Variants in ZNF765 observed in about 807,000 individuals in gnomAD.
ZNF765 encodes the protein zinc finger protein 765.
A neutral mutation model predicts 44.7 loss-of-function variants in ZNF765; 37 were observed. That is an observed-to-expected ratio of 0.83 (90% CI 0.64 to 1.09). ZNF765 has a LOEUF of 1.09. Ranked by LOEUF, ZNF765 falls within the 50% of genes least tolerant of loss-of-function variation. The pLI is 0.00. For missense variants in ZNF765, 594 were observed against 626.1 expected (o/e 0.95, Z 0.55); for synonymous variants, 201 against 213.7 (o/e 0.94, Z 0.52).
chr19:53,421,716 G>A (rs2085908789), intron 3 of ZNF765, among the ~76,000 whole-genome samples: 1 of 152,150 alleles, frequency 6.6e-6, no homozygotes, highest in Non-Finnish European at 1.5e-5. Context: ...GTTTCTCCAT[G>A]TTGGTCAGGC....
rs2085804733 is a variant in ZNF765, at chr19:53,408,806, C to T, written c.1251C>T (p.Gly417=). 1 of 1,613,886 alleles carries T rather than the reference C, an allele frequency of 6.2e-7. No individual in the cohort carries two copies. Among genetic ancestry groups the T allele is most frequent in the African/African-American group, 1.3e-5 (1 of 74,858 alleles). ...EEKPYKCNEC[G]KTFNQQLTLN... ...AACCTTACAAGTGTAATGAGTGTGG[C>T]AAGACCTTCAATCAGCAGTTAACCC... Residue 417 remains glycine (G), a synonymous_variant, in exon 4 of 4, where the codon GGC becomes GGT. Coordinates refer to ENST00000396408, the MANE Select transcript of ZNF765 (RefSeq NM_001040185.3).
chr19:53,402,552 G>T (rs1049285681), intron 3 of ZNF765, among the ~76,000 whole-genome samples: 5 of 152,020 alleles, frequency 3.3e-5, no homozygotes, highest in Admixed American at 3.3e-4. Context: ...AAGCCACCGT[G>T]CCCGGCCTAT....
intron 1 of ZNF765, among the ~76,000 whole-genome samples, chr19:53,396,088 G>A (rs1001956112): frequency 6.6e-6 from 1 of 152,112 alleles, no homozygotes; most frequent in African/African-American, 2.4e-5. Flanking sequence ...GCAAGGTAGG[G>A]AGAGGGACAG....
At chr19:53,400,003 C>T (rs1262561050) in intron 2 of ZNF765, among the ~76,000 whole-genome samples, 1 of 151,998 alleles carries the variant, frequency 6.6e-6, no homozygotes, top group African/African-American at 2.4e-5. Context: ...TTAGTAGAGA[C>T]AGGGTTTCAC....
rs572952624 is a variant in ZNF765 at position 53,409,239 on chromosome 19, A to G, written c.*112A>G. On this transcript the variant is annotated 3_prime_UTR_variant, in exon 4 of 4. Transcript: ENST00000396408. The stretch of plus-strand genomic sequence containing the variant: ...AACTTGACAAAGCTTACAATTTCAA[A>G]TCAAACCTTGAAATACATCAGAAAA... 3.5e-4 allele frequency: 420 copies of G among 1,187,020 alleles called. 2 individuals carry two copies. In the East Asian group the frequency reaches 9.6e-3, roughly 27 times the overall value. 73.5% of individuals were successfully genotyped at this position (1,187,020 alleles called of 1,614,324 possible).
exon 4 of ZNF765, chr19:53,425,719 G>A (rs1386893608): frequency 2.6e-5 from 4 of 152,398 alleles, no homozygotes; most frequent in South Asian, 2.1e-4. Flanking sequence ...GCTAAGGATG[G>A]TGGGGTGAAG....
chr19:53,399,432 G>A (rs2085701268), intron 2 of ZNF765, among the ~76,000 whole-genome samples: 2 of 151,852 alleles, frequency 1.3e-5, no homozygotes, highest in African/African-American at 4.8e-5. Flanking sequence ...TTCTGTGCCA[G>A]GCGTCAGAGC....
chr19:53,401,069 C>T (rs914794400), intron 2 of ZNF765, among the ~76,000 whole-genome samples: 10 of 150,976 alleles, frequency 6.6e-5, no homozygotes, highest in South Asian at 2.1e-4. Flanking sequence ...GGTGCGATTT[C>T]GGATCATTGC....
rs549591181 is a variant in ZNF765 at position 53,408,965 on chromosome 19, G to C, written c.1410G>C (p.Glu470Asp). Residue 470 changes from glutamate (E) to aspartate (D), a missense_variant, in exon 4 of 4, where the codon GAG becomes GAC. By Grantham distance (45) the Glu-to-Asp change is conservative. Coordinates refer to ENST00000396408, the MANE Select transcript of ZNF765 (RefSeq NM_001040185.3). The stretch of plus-strand genomic sequence containing the variant: ...AAGAGAATCCTTACAAGTGTAATGA[G>C]TGTGGCAAGACCTTCAGCCGGACGT... ...HTEENPYKCN[E>D]CGKTFSRTSS... The C allele has an allele frequency of 1.4e-5, 23 of 1,604,142 alleles. No homozygotes were observed. In the Admixed American group the frequency reaches 3.7e-4, roughly 26 times the overall value.
At position 53,396,286 on chromosome 19, in the gene ZNF765, C is replaced by T. The variant is rs139172531; in HGVS notation, c.-74+1093C>T. 5.7e-3 allele frequency among the ~76,000 whole-genome samples: 866 copies of T among 152,074 alleles called. 7 individuals carry two copies. Among genetic ancestry groups the T allele is most frequent in the African/African-American group, 0.02 (821 of 41,434 alleles). ...GGAAGAGAGAATGTAACAGGGAGAG[C>T]AGAGGAGGCGCAGAGATGGTGTTGC... On this transcript the variant is annotated intron_variant, in intron 1 of 3. Coordinates refer to ENST00000396408, the MANE Select transcript of ZNF765 (RefSeq NM_001040185.3).
intron 3 of ZNF765, among the ~76,000 whole-genome samples, chr19:53,403,618 C>T (rs1184665644): frequency 2.6e-5 from 4 of 152,174 alleles, no homozygotes. Flanking sequence ...CCGAGGCAGG[C>T]AAATCACCTG....
chr19:53,405,224 A>T (rs4803102), intron 3 of ZNF765, among the ~76,000 whole-genome samples: 1 of 151,592 alleles, frequency 6.6e-6, no homozygotes, highest in African/African-American at 2.4e-5. Context: ...TGGTGGCGCA[A>T]GGCTGTTATC....
At position 53,408,648 on chromosome 19, in the gene ZNF765, A is replaced by T. The variant is rs201063376; in HGVS notation, c.1093A>T (p.Ser365Cys). The change falls in exon 4 of 4, where the codon AGT (serine) becomes TGT (cysteine). Residue 365 changes from serine to cysteine, a missense_variant. This residue lies in a region of ZNF765 where 567 missense variants were observed against 572.6 expected (regional missense o/e 0.99). Coordinates refer to ENST00000396408, the MANE Select transcript of ZNF765 (RefSeq NM_001040185.3). ...GTGTAATGAGTGTGGCAAGACCTTT[A>T]GTCGGAAGTCACATTTTACATGCCA... ...YKCNECGKTF[S>C]RKSHFTCHHR... 2.0e-4 allele frequency: 330 copies of T among 1,613,986 alleles called. No individual in the cohort carries two copies. Among genetic ancestry groups the T allele is most frequent in the Non-Finnish European group, 2.7e-4 (321 of 1,179,964 alleles).
chr19:53,407,074 C>T (rs562087536), intron 3 of ZNF765, among the ~76,000 whole-genome samples: 368 of 151,570 alleles, frequency 2.4e-3, no homozygotes, highest in African/African-American at 8.3e-3. Flanking sequence ...TACAGTGGTG[C>T]AATCTCAGCT....
chr19:53,413,241 A>G, downstream of ZNF765: 1 of 595,606 alleles, frequency 1.7e-6, no homozygotes, highest in Admixed American at 1.9e-5. Flanking sequence ...CAAGAAACAA[A>G]AGCAAAACCG....
In ZNF765 at chr19:53,408,189, G is replaced by GA; in HGVS notation, c.639dup (p.Ser214IlefsTer6). The GA allele has an allele frequency of 6.2e-7, 1 of 1,614,120 alleles. No homozygotes were observed. Among genetic ancestry groups the GA allele is most frequent in the Non-Finnish European group, 8.5e-7 (1 of 1,180,018 alleles). On this transcript the variant is annotated frameshift_variant, in exon 4 of 4. Coordinates refer to ENST00000396408, the MANE Select transcript of ZNF765 (RefSeq NM_001040185.3). LOFTEE classifies it high-confidence loss of function. ...ACAAAAACAGGAAGTACATATGAGG[G>GA]AAAAATCTTTCCAATGCAATGACAG...
chr19:53,414,503 C>A (rs1201787434), downstream of ZNF765, among the ~76,000 whole-genome samples: 33 of 43,598 alleles, frequency 7.6e-4, no homozygotes, highest in South Asian at 2.4e-3. Flanking sequence ...CCCCCCCCCC[C>A]CCCCCCGGGG....
chr19:53,410,170 TAGC>T lies in ZNF765; in HGVS notation c.*1046_*1048del, dbSNP rs1273917951. On this transcript the variant is annotated 3_prime_UTR_variant, in exon 4 of 4. Transcript: ENST00000396408. ...TAGAATTCATACTAGAGAGAAACCT[TAGC>T]AGTGTAATGAACGTGGCAAGGTTTT... 1 of 393,844 alleles carries T rather than the reference TAGC, an allele frequency of 2.5e-6. No homozygotes were observed. The highest frequency in any genetic ancestry group is 5.1e-6 in the Non-Finnish European group (1 of 194,652). The allele number at this position is 393,844 out of a possible 1,614,324, so 24.4% of individuals were successfully genotyped here.
chr19:53,396,846 A>G (rs138310845), intron 1 of ZNF765, among the ~76,000 whole-genome samples: 269 of 152,380 alleles, frequency 1.8e-3, no homozygotes, highest in African/African-American at 5.3e-3. Context: ...AGAAAGCACC[A>G]CTATTACTGG....
Sources: gnomAD v4.1 joint callset for allele counts (sites outside exome capture counted in the v4.1 genomes callset) on GRCh38, gnomAD v4.1.1 for gene constraint, gnomAD v4.1.1 regional missense constraint, MANE v1.5 for transcripts, NCBI Gene and HGNC (gene_info 2026-07-23, HGNC 2026-07-21) for gene names.